UTRN: variants seen among roughly 807,000 people sequenced by gnomAD.
The protein encoded by UTRN is dystrophin-related protein 1.
Under a neutral mutation model 463.9 loss-of-function variants are expected in UTRN, and 283 were observed. That is an observed-to-expected ratio of 0.61 (90% CI 0.55 to 0.67). The LOEUF is 0.67. Among genes scored for constraint, UTRN ranks in the 30% least tolerant of loss-of-function variants. The pLI is 0.00. For missense variants in UTRN, 3,922 were observed against 4,084.3 expected (o/e 0.96, Z 1.08); for synonymous variants, 1,442 against 1,431.5 (o/e 1.01, Z -0.17).
At chr6:144,704,848 G>A (rs924485067) in intron 53 of UTRN, among the ~76,000 whole-genome samples, 5 of 152,044 alleles carry the variant, frequency 3.3e-5, no homozygotes, top group African/African-American at 1.2e-4. Flanking sequence ...TGTAGTCCCA[G>A]CTATTTGGGA....
In UTRN at chr6:144,763,134, T is replaced by C. The variant is rs193020856; in HGVS notation, c.8495+5145T>C. Among the ~76,000 whole-genome samples the C allele has an allele frequency of 6.6e-5, 10 of 152,316 alleles. No individual in the cohort carries two copies. The East Asian group carries it at 1.9e-3, about 29-fold the overall frequency. On this transcript the variant is annotated intron_variant, in intron 58 of 74. Transcript: ENST00000367545. ...ACACACAGCTTTCATTATGTACATA[T>C]TAGTAATCTCTGGTTATATATACCA...
At chr6:144,783,496 A>G (rs779504866) in intron 61 of UTRN, among the ~76,000 whole-genome samples, 1 of 152,232 alleles carries the variant, frequency 6.6e-6, no homozygotes, top group Admixed American at 6.5e-5. Context: ...TGATATTTCA[A>G]TACATGTATA....
intron 64 of UTRN, among the ~76,000 whole-genome samples, chr6:144,799,997 C>T (rs994521017): frequency 6.6e-6 from 1 of 152,126 alleles, no homozygotes; most frequent in African/African-American, 2.4e-5. Flanking sequence ...AAATATTACT[C>T]TGGATATAAA....
Position 144,732,277 on chromosome 6 carries a change from T to TACAC in UTRN, c.7939+1795_7939+1798dup, listed in dbSNP as rs1291563673. Among the ~76,000 whole-genome samples the TACAC allele has an allele frequency of 4.1e-3, 364 of 88,694 alleles. 9 individuals are homozygous for TACAC. Among genetic ancestry groups the TACAC allele is most frequent in the African/African-American group, 0.016 (325 of 20,156 alleles). The allele number at this position is 88,694 out of a possible 152,430, so 58.2% of individuals were successfully genotyped here. ...ATATATACACACATATATATATATATACACACATATATATATATACACATA... is the reference window on the plus strand; with the variant it reads ...ATATATACACACATATATATATATATACACACACACATATATATATATACACATA... On this transcript the variant is annotated intron_variant, in intron 54 of 74. Coordinates refer to ENST00000367545, the MANE Select transcript of UTRN (RefSeq NM_007124.3).
intron 2 of UTRN, among the ~76,000 whole-genome samples, chr6:144,342,727 G>A (rs1035319796): frequency 1.3e-5 from 2 of 152,144 alleles, no homozygotes; most frequent in Non-Finnish European, 2.9e-5. Context: ...AGGGATGGGG[G>A]TCGATTGTGG....
At position 144,406,375 on chromosome 6, in the gene UTRN, T is replaced by C. The variant is rs1300863768; in HGVS notation, c.141+3191T>C. On this transcript the variant is annotated intron_variant, in intron 3 of 74. Transcript: ENST00000367545. Reference sequence around the variant, plus strand: ...TCTTTTCTTTTTTTTTTTTTTTTTTTTTGAGACACAGTCTAGCTCTGTTGC... The same window carrying C: ...TCTTTTCTTTTTTTTTTTTTTTTTTCTTGAGACACAGTCTAGCTCTGTTGC... Among the ~76,000 whole-genome samples, 4 of 104,776 alleles carry C rather than the reference T, an allele frequency of 3.8e-5. No homozygotes were observed. The Admixed American group carries it at 3.9e-4, about 10-fold the overall frequency. The allele number at this position is 104,776 out of a possible 152,430, so 68.7% of individuals were successfully genotyped here. A position where few individuals can be genotyped will look rare whatever the true frequency, so the allele number is the denominator to read the frequency against.
intron 53 of UTRN, among the ~76,000 whole-genome samples, chr6:144,708,739 A>C (rs1249279763): frequency 2.6e-5 from 4 of 152,158 alleles, no homozygotes. Context: ...TTGGTGTTTT[A>C]GTCTGTCTTT....
intron 53 of UTRN, among the ~76,000 whole-genome samples, chr6:144,727,909 G>A (rs1788062909): frequency 6.6e-6 from 1 of 151,974 alleles, no homozygotes; most frequent in South Asian, 2.1e-4. Context: ...GGCCAACCAT[G>A]GCCAACATGG....
intron 2 of UTRN, among the ~76,000 whole-genome samples, chr6:144,363,675 A>G (rs1169809447): frequency 1.3e-5 from 2 of 152,258 alleles, no homozygotes; most frequent in East Asian, 3.8e-4. Context: ...ATATTTTGTT[A>G]TAGATAAGGA....
chr6:144,552,437 G>A (rs553795813), intron 48 of UTRN, among the ~76,000 whole-genome samples: 1 of 152,228 alleles, frequency 6.6e-6, no homozygotes, highest in Admixed American at 6.5e-5. Context: ...CTATTGACAA[G>A]CCATTTCCAG....
At chr6:144,703,654 C>G (rs149274302) in intron 53 of UTRN, among the ~76,000 whole-genome samples, 1 of 152,202 alleles carries the variant, frequency 6.6e-6, no homozygotes, top group African/African-American at 2.4e-5. Context: ...TCACAAGGAT[C>G]AAATATTGCT....
intron 73 of UTRN, 88 bp downstream of exon 73, chr6:144,840,920 G>T (rs1017058442): frequency 6.4e-6 from 9 of 1,407,610 alleles, no homozygotes; most frequent in Non-Finnish European, 7.9e-6. Flanking sequence ...TCTTCCTTAA[G>T]ATAACAAAAA....
At chr6:144,453,643 G>T in intron 18 of UTRN, 139 bp from the exon 19 acceptor site, 1 of 598,864 alleles carries the variant, frequency 1.7e-6, no homozygotes, top group Non-Finnish European at 2.8e-6. Flanking sequence ...ATGCTTTTTA[G>T]TTGCTATGAT....
intron 58 of UTRN, among the ~76,000 whole-genome samples, chr6:144,770,798 T>A (rs1394221882): frequency 1.3e-5 from 2 of 152,070 alleles, no homozygotes; most frequent in Non-Finnish European, 2.9e-5. Context: ...TAATACTGGT[T>A]AATGAGAGGA....
At chr6:144,690,050 G>A (rs1783166040) in intron 52 of UTRN, among the ~76,000 whole-genome samples, 1 of 141,534 alleles carries the variant, frequency 7.1e-6, no homozygotes, top group Admixed American at 7.2e-5. Context: ...AATGGGAGGG[G>A]CCATAGAGCT....
intron 25 of UTRN, among the ~76,000 whole-genome samples, chr6:144,477,508 T>G (rs1487149099): frequency 6.6e-6 from 1 of 150,668 alleles, no homozygotes; most frequent in African/African-American, 2.5e-5. Context: ...CACATTTGCT[T>G]TCTCTCTCTC....
intron 65 of UTRN, among the ~76,000 whole-genome samples, chr6:144,816,425 G>A (rs1490073862): frequency 2.6e-5 from 4 of 152,072 alleles, no homozygotes; most frequent in Non-Finnish European, 4.4e-5. Context: ...GCGGCTTCTC[G>A]AATGTGCAGC....
chr6:144,812,346 A>G (rs755614020), intron 65 of UTRN, among the ~76,000 whole-genome samples: 10 of 152,290 alleles, frequency 6.6e-5, no homozygotes, highest in Non-Finnish European at 1.3e-4. Context: ...TCACTTGATT[A>G]TGAATACTGG....
At chr6:144,732,216 A>ATG (rs1788619170) in intron 54 of UTRN, among the ~76,000 whole-genome samples, 1 of 40,812 alleles carries the variant, frequency 2.5e-5, no homozygotes, top group African/African-American at 1.5e-4. Context: ...ACTCTGTTTT[A>ATG]TATATATATA....
Sources: gnomAD v4.1 joint callset for allele counts (sites outside exome capture counted in the v4.1 genomes callset) on GRCh38, gnomAD v4.1.1 for gene constraint, MANE v1.5 for transcripts, NCBI Gene and HGNC (gene_info 2026-07-23, HGNC 2026-07-21) for gene names.